The following RPH3A variants were observed in gnomAD, a reference collection of about 807,000 sequenced individuals.
RPH3A encodes the protein rabphilin 3A.
RPH3A carries 48 observed loss-of-function variants against 102.2 expected under a neutral mutation model. The observed-to-expected ratio is 0.47, with a 90% CI of 0.37 to 0.60. The LOEUF (loss-of-function observed/expected upper bound fraction) is 0.60, where lower values mean the gene tolerates loss of function less well. Among genes scored for constraint, RPH3A ranks in the 20% least tolerant of loss-of-function variants. RPH3A has a pLI of 0.00. For synonymous variants in RPH3A, 310 were observed against 324.3 expected (o/e 0.96, Z 0.47); for missense variants, 781 against 910.1 (o/e 0.86, Z 1.83).
At chr12:112,789,597 G>A (rs2041075407), upstream of RPH3A, among the ~76,000 whole-genome samples, 1 of 152,112 alleles carries the variant, frequency 6.6e-6, no homozygotes, top group Non-Finnish European at 1.5e-5. Context: ...AAGGGTCATG[G>A]TGAGGACTTC....
intron 4 of RPH3A, among the ~76,000 whole-genome samples, chr12:112,842,382 T>C (rs1022240099): frequency 6.6e-6 from 1 of 152,226 alleles, no homozygotes; most frequent in African/African-American, 2.4e-5. Context: ...TCATATGAGC[T>C]TGATGAGCTC....
At chr12:112,686,482 C>A (rs1048661966) in intron 1 of RPH3A, among the ~76,000 whole-genome samples, 1 of 152,162 alleles carries the variant, frequency 6.6e-6, no homozygotes, top group South Asian at 2.1e-4. Flanking sequence ...GAAAAGTGCT[C>A]GTGCATCAGG....
chr12:112,731,796 C>A (rs190172354), intron 1 of RPH3A, among the ~76,000 whole-genome samples: 3 of 152,210 alleles, frequency 2.0e-5, no homozygotes, highest in Admixed American at 2.0e-4. Flanking sequence ...TTTTGTTTTT[C>A]TTTTTTGGTC....
Position 112,887,778 on chromosome 12 carries a change from C to T in RPH3A, c.1437-19C>T, listed in dbSNP as rs1299784999. ...TATTTGTTCCTGTTTCTCTCTCTAC[C>T]CCCTTGTGTTGGTGGCAGGATCTCC... On this transcript the variant is annotated intron_variant, in intron 16 of 21. Transcript: ENST00000389385. 2 of 1,611,684 alleles carry T rather than the reference C, an allele frequency of 1.2e-6. No individual in the cohort carries two copies. The highest frequency in any genetic ancestry group is 1.7e-4 in the Middle Eastern group (1 of 6,052).
At chr12:112,853,411 G>T (rs1052318686) in intron 5 of RPH3A, among the ~76,000 whole-genome samples, 3 of 152,134 alleles carry the variant, frequency 2.0e-5, no homozygotes, top group African/African-American at 7.2e-5. Flanking sequence ...TATCAAGTTT[G>T]GGGGGACTCT....
intron 1 of RPH3A, among the ~76,000 whole-genome samples, chr12:112,610,527 C>T (rs764857688): frequency 2.7e-5 from 4 of 149,856 alleles, no homozygotes; most frequent in Non-Finnish European, 4.4e-5. Context: ...AAAAAAAAAG[C>T]CTTCCTTGAT....
At chr12:112,792,582 A>C (rs1357324541) in intron 2 of RPH3A, among the ~76,000 whole-genome samples, 2 of 152,182 alleles carry the variant, frequency 1.3e-5, no homozygotes, top group Non-Finnish European at 2.9e-5. Context: ...CAGTTCTCTG[A>C]GAGAGTTAAC....
chr12:112,836,580 C>A, intron 4 of RPH3A, 78 bp downstream of exon 4: 1 of 641,310 alleles, frequency 1.6e-6, no homozygotes, highest in East Asian at 3.6e-5. Flanking sequence ...GGTGGCTTTC[C>A]CCTAAAGAGA....
rs1028432098 is a variant in RPH3A, at chr12:112,894,674, T to C, written c.1857+15T>C. 9.3e-6 allele frequency: 15 copies of C among 1,609,656 alleles called. No homozygotes were observed. The highest frequency in any genetic ancestry group is 1.1e-5 in the South Asian group (1 of 90,510). On this transcript the variant is annotated intron_variant, in intron 20 of 21. Coordinates refer to ENST00000389385, the MANE Select transcript of RPH3A (RefSeq NM_001143854.2). ...AATTCAATGAGGTAAGGCTGCCCTA[T>C]TCTTTTTCATGCTCTGGGATATTTG...
intron 16 of RPH3A, 79 bp from the exon 17 acceptor site, chr12:112,887,718 T>A (rs749989105): frequency 8.9e-6 from 13 of 1,453,984 alleles, no homozygotes; most frequent in Non-Finnish European, 1.2e-5. Context: ...CTTACCAGTA[T>A]CAGCTGCAAC....
At chr12:112,611,830 A>G (rs75361907) in intron 1 of RPH3A, among the ~76,000 whole-genome samples, 2 of 123,808 alleles carry the variant, frequency 1.6e-5, no homozygotes, top group Non-Finnish European at 3.2e-5. Context: ...AGCCAGCAAG[A>G]AAAAAAAAAA....
rs528704294 is a variant in RPH3A, at chr12:112,858,680, C to T, written c.231-6734C>T. On this transcript the variant is annotated intron_variant, in intron 5 of 21. Coordinates refer to ENST00000389385, the MANE Select transcript of RPH3A (RefSeq NM_001143854.2). ...GGGCAGTGATCTTGTTGTTTTGCTA[C>T]CGTTGGATCCTCACTGTCTACTTGG... is the stretch of plus-strand genomic sequence containing the variant. Among the ~76,000 whole-genome samples the T allele has an allele frequency of 2.0e-5, 3 of 152,212 alleles. No homozygotes were observed. In the East Asian group the frequency reaches 5.8e-4, roughly 29 times the overall value.
At chr12:112,747,420 C>G (rs2040756535) in intron 1 of RPH3A, among the ~76,000 whole-genome samples, 1 of 152,138 alleles carries the variant, frequency 6.6e-6, no homozygotes, top group Non-Finnish European at 1.5e-5. Context: ...TTTCCAGCCT[C>G]CAGAACTATA....
At chr12:112,850,753 G>C (rs1675193282) in intron 5 of RPH3A, 1 of 152,214 alleles carries the variant, frequency 6.6e-6, no homozygotes, top group Non-Finnish European at 1.5e-5. Flanking sequence ...ATCAGACATG[G>C]AGCCAAACTG....
chr12:112,876,798 C>A lies in RPH3A; in HGVS notation c.1103C>A (p.Ala368Glu). 1 of 1,610,136 alleles carries A rather than the reference C, an allele frequency of 6.2e-7. No homozygotes were observed. The highest frequency in any genetic ancestry group is 1.1e-5 in the South Asian group (1 of 90,226). Reference protein sequence around the residue: ...QASAAAPQPAAARQPPPPEEE... With the variant: ...QASAAAPQPAEARQPPPPEEE... ...TCTGCAGCTGCCCCCCAGCCTGCTG[C>A]AGCCCGCCAGCCACCACCCCCAGAG... The change falls in exon 13 of 22, where the codon GCA becomes GAA. Residue 368 changes from alanine to glutamate, a missense_variant. Ala to Glu is a moderately radical substitution (Grantham distance 107). Around this residue, in one of 2 missense-constraint regions of RPH3A, gnomAD observed 730 missense variants for 810.0 expected, o/e 0.90. Transcript: ENST00000389385.
chr12:112,889,695 CTGTT>C (rs751830808), intron 17 of RPH3A, among the ~76,000 whole-genome samples: 1 of 152,162 alleles, frequency 6.6e-6, no homozygotes, highest in African/African-American at 2.4e-5. Flanking sequence ...GAAATCTTGT[CTGTT>C]TGTGTGTGGA....
intron 1 of RPH3A, among the ~76,000 whole-genome samples, chr12:112,754,159 G>A (rs1339815982): frequency 6.6e-6 from 1 of 152,204 alleles, no homozygotes; most frequent in Non-Finnish European, 1.5e-5. Flanking sequence ...GTGGTAATTT[G>A]TTATAGCAGA....
chr12:112,851,634 C>A (rs540038894), intron 5 of RPH3A, among the ~76,000 whole-genome samples: 12 of 152,260 alleles, frequency 7.9e-5, no homozygotes, highest in South Asian at 4.1e-4. Context: ...CCATGCGCAG[C>A]AACCCAGAGC....
intron 3 of RPH3A, among the ~76,000 whole-genome samples, chr12:112,832,427 A>T (rs1185698005): frequency 1.3e-5 from 2 of 152,232 alleles, no homozygotes; most frequent in East Asian, 3.8e-4. Flanking sequence ...CACATTCTGT[A>T]TCCAATAATT....
Sources: gnomAD v4.1 joint callset for allele counts (sites outside exome capture counted in the v4.1 genomes callset) on GRCh38, gnomAD v4.1.1 for gene constraint, gnomAD v4.1.1 regional missense constraint, MANE v1.5 for transcripts, NCBI Gene and HGNC (gene_info 2026-07-23, HGNC 2026-07-21) for gene names.